NKAIN2: variants seen among roughly 807,000 people sequenced by gnomAD.
NKAIN2 encodes the protein sodium/potassium transporting ATPase interacting 2, also known as sodium/potassium-transporting ATPase subunit beta-1-interacting protein 2.
NKAIN2 carries 14 observed loss-of-function variants against 32.6 expected under a neutral mutation model. The observed-to-expected ratio is 0.43, with a 90% CI of 0.28 to 0.67. The LOEUF (loss-of-function observed/expected upper bound fraction) is 0.67, where lower values mean the gene tolerates loss of function less well. Among genes scored for constraint, NKAIN2 ranks in the 30% least tolerant of loss-of-function variants. The pLI, the probability that NKAIN2 is intolerant of heterozygous loss-of-function variation, is 0.17. For synonymous variants in NKAIN2, 80 were observed against 87.2 expected (o/e 0.92, Z 0.46); for missense variants, 198 against 258.3 (o/e 0.77, Z 1.60).
At chr6:123,892,489 A>G (rs950112639) in intron 1 of NKAIN2, among the ~76,000 whole-genome samples, 3 of 101,826 alleles carry the variant, frequency 2.9e-5, no homozygotes, top group Non-Finnish European at 6.4e-5. Flanking sequence ...GAGACTCGCT[A>G]TCATGAGAAC....
At chr6:124,102,197 G>A in intron 1 of NKAIN2, among the ~76,000 whole-genome samples, 1 of 152,196 alleles carries the variant, frequency 6.6e-6, no homozygotes, top group Non-Finnish European at 1.5e-5. Context: ...ACATGATGTG[G>A]TGCGGGGACC....
intron 3 of NKAIN2, among the ~76,000 whole-genome samples, chr6:124,594,732 A>T (rs751009052): frequency 6.6e-6 from 1 of 152,094 alleles, no homozygotes; most frequent in Non-Finnish European, 1.5e-5. Context: ...GAGTATACTT[A>T]TATATGGAGG....
At chr6:124,232,419 G>C (rs972957623) in intron 1 of NKAIN2, among the ~76,000 whole-genome samples, 8 of 152,138 alleles carry the variant, frequency 5.3e-5, no homozygotes, top group East Asian at 1.9e-4. Flanking sequence ...GAAAGATCAT[G>C]ATGAGCCTAC....
intron 1 of NKAIN2, among the ~76,000 whole-genome samples, chr6:124,071,727 C>T (rs1268696190): frequency 6.6e-6 from 1 of 152,088 alleles, no homozygotes; most frequent in Admixed American, 6.6e-5. Flanking sequence ...TGAAAAAATG[C>T]TCAACATTAC....
intron 1 of NKAIN2, among the ~76,000 whole-genome samples, chr6:124,277,077 C>T (rs1199987989): frequency 6.6e-6 from 1 of 152,074 alleles, no homozygotes; most frequent in Non-Finnish European, 1.5e-5. Flanking sequence ...GGGTTTCCTG[C>T]TGAAGGAACA....
intron 3 of NKAIN2, among the ~76,000 whole-genome samples, chr6:124,555,976 C>T (rs584977): frequency 0.98 from 149,814 of 152,224 alleles, 73,762 homozygotes; most frequent in East Asian, 1. Flanking sequence ...TTAACCTTTA[C>T]TGAGTTATTG....
At chr6:124,352,696 G>C (rs1337801077) in intron 2 of NKAIN2, among the ~76,000 whole-genome samples, 1 of 152,160 alleles carries the variant, frequency 6.6e-6, no homozygotes, top group African/African-American at 2.4e-5. Flanking sequence ...TGTGCACAAA[G>C]GAAGTGATAA....
chr6:124,316,597 A>G (rs1583037683), intron 2 of NKAIN2, among the ~76,000 whole-genome samples: 1 of 152,190 alleles, frequency 6.6e-6, no homozygotes, highest in African/African-American at 2.4e-5. Flanking sequence ...GAAAGTTGAA[A>G]AGAGGGACAT....
intron 3 of NKAIN2, among the ~76,000 whole-genome samples, chr6:124,652,572 C>G (rs531252526): frequency 9.2e-5 from 14 of 152,264 alleles, no homozygotes; most frequent in Non-Finnish European, 1.9e-4. Flanking sequence ...TGACAAAACA[C>G]CCCAGACTGG....
intron 3 of NKAIN2, among the ~76,000 whole-genome samples, chr6:124,609,391 G>T (rs1782608850): frequency 6.6e-6 from 1 of 150,908 alleles, no homozygotes; most frequent in Non-Finnish European, 1.5e-5. Flanking sequence ...TGTTTGATAG[G>T]ATGGTTTGAA....
intron 3 of NKAIN2, among the ~76,000 whole-genome samples, chr6:124,456,807 G>A (rs1049670906): frequency 1.3e-5 from 2 of 151,640 alleles, no homozygotes; most frequent in Admixed American, 6.6e-5. Flanking sequence ...ACTAAAACTT[G>A]TGGTATGTTA....
intron 1 of NKAIN2, among the ~76,000 whole-genome samples, chr6:124,004,680 G>A (rs1780004286): frequency 6.6e-6 from 1 of 151,856 alleles, no homozygotes; most frequent in South Asian, 2.1e-4. Flanking sequence ...TTGGACACAG[G>A]GTGGGGAACA....
intron 1 of NKAIN2, among the ~76,000 whole-genome samples, chr6:124,238,994 T>C (rs989281538): frequency 2.0e-5 from 3 of 152,080 alleles, no homozygotes; most frequent in African/African-American, 7.2e-5. Context: ...TCAAGACCCA[T>C]TGGTGTGCTG....
intron 3 of NKAIN2, among the ~76,000 whole-genome samples, chr6:124,642,217 C>A (rs1349049471): frequency 1.3e-5 from 2 of 152,100 alleles, no homozygotes; most frequent in East Asian, 3.9e-4. Flanking sequence ...TTCATTCAAC[C>A]TGTTAAATAA....
chr6:124,501,545 G>C (rs950472283), intron 3 of NKAIN2, among the ~76,000 whole-genome samples: 1 of 152,172 alleles, frequency 6.6e-6, no homozygotes, highest in South Asian at 2.1e-4. Flanking sequence ...GCCCCTAACT[G>C]TTCCAATGTT....
At chr6:124,805,746 A>G (rs1158932508) in intron 5 of NKAIN2, among the ~76,000 whole-genome samples, 1 of 152,212 alleles carries the variant, frequency 6.6e-6, no homozygotes, top group African/African-American at 2.4e-5. Context: ...ATTGAAAAAA[A>G]TTTAGACGAA....
At chr6:124,592,592 A>G (rs1781949710) in intron 3 of NKAIN2, among the ~76,000 whole-genome samples, 1 of 152,244 alleles carries the variant, frequency 6.6e-6, no homozygotes, top group African/African-American at 2.4e-5. Context: ...AATTTTAAAT[A>G]GATCTAATTC....
At chr6:124,428,117 A>T (rs1460318209) in intron 3 of NKAIN2, among the ~76,000 whole-genome samples, 1 of 152,126 alleles carries the variant, frequency 6.6e-6, no homozygotes, top group Non-Finnish European at 1.5e-5. Context: ...CTAAAAAAAT[A>T]GATCCAGCAG....
At chr6:124,658,589 TAA>T (rs1784630325) in intron 4 of NKAIN2, 1 of 1,258,300 alleles carries the variant, frequency 7.9e-7, no homozygotes, top group African/African-American at 1.5e-5. Flanking sequence ...CGACAATTAG[TAA>T]ATACCCTTTG....
Sources: gnomAD v4.1 joint callset for allele counts (sites outside exome capture counted in the v4.1 genomes callset) on GRCh38, gnomAD v4.1.1 for gene constraint, MANE v1.5 for transcripts, NCBI Gene and HGNC (gene_info 2026-07-23, HGNC 2026-07-21) for gene names.